The following RFTN2 variants were observed in gnomAD, a reference collection of about 807,000 sequenced individuals.
RFTN2 encodes raftlin family member 2.
Under a neutral mutation model 52.7 loss-of-function variants are expected in RFTN2, and 34 were observed. That is an observed-to-expected ratio of 0.64 (90% CI 0.49 to 0.86). The LOEUF (loss-of-function observed/expected upper bound fraction) is 0.86. RFTN2 is among the 40% of genes least tolerant of loss of function. The probability of loss-of-function intolerance (pLI) is 0.00; values close to 1 mark genes in which losing one functional copy is unlikely to be tolerated. For synonymous variants in RFTN2, 203 were observed against 217.7 expected, an observed-to-expected ratio of 0.93 and a Z score of 0.59; for missense variants, 536 against 600.1, an observed-to-expected ratio of 0.89 and a Z score of 1.12.
At chr2:197,572,528 G>A (rs1432162000) in intron 8 of RFTN2, among the ~76,000 whole-genome samples, 1 of 152,066 alleles carries the variant, frequency 6.6e-6, no homozygotes, top group Non-Finnish European at 1.5e-5. Context: ...CTTGTTGATG[G>A]GTATGTTATG....
rs565639052 is a variant in RFTN2, at chr2:197,656,100, C to T, written c.140-9434G>A. ...GCCATAGACTCCAGCACCAGACTTCCGGGATCCAAATCCTAGCTCTGCCAC... is the reference window on the plus strand; with the variant it reads ...GCCATAGACTCCAGCACCAGACTTCTGGGATCCAAATCCTAGCTCTGCCAC... On this transcript the variant is annotated intron_variant, in intron 1 of 8. Coordinates refer to ENST00000295049, the MANE Select transcript of RFTN2 (RefSeq NM_144629.3). Among the ~76,000 whole-genome samples the T allele has an allele frequency of 1.1e-4, 16 of 152,290 alleles. No individual in the cohort carries two copies. The South Asian group carries it at 2.5e-3, about 24-fold the overall frequency.
intron 8 of RFTN2, among the ~76,000 whole-genome samples, chr2:197,580,492 C>T (rs1194716033): frequency 1.3e-5 from 2 of 152,222 alleles, no homozygotes; most frequent in East Asian, 3.8e-4. Flanking sequence ...ATCGGACTGT[C>T]CAAGTCACCT....
At chr2:197,629,210 G>C (rs954441848) in intron 5 of RFTN2, among the ~76,000 whole-genome samples, 1 of 152,146 alleles carries the variant, frequency 6.6e-6, no homozygotes, top group African/African-American at 2.4e-5. Flanking sequence ...GTCCATCAAT[G>C]ATAGACTGGA....
At chr2:197,574,196 ACACT>A (rs1055041198) in intron 8 of RFTN2, among the ~76,000 whole-genome samples, 2 of 152,330 alleles carry the variant, frequency 1.3e-5, no homozygotes, top group African/African-American at 4.8e-5. Flanking sequence ...AAAGCTGCAG[ACACT>A]CAATGCCAGC....
At chr2:197,630,967 G>A (rs1159679317) in intron 5 of RFTN2, 44 bp downstream of exon 5, 3 of 1,317,104 alleles carry the variant, frequency 2.3e-6, no homozygotes, top group Non-Finnish European at 3.3e-6. Context: ...TTTGATACAA[G>A]TTCAAATTCC....
At chr2:197,666,768 G>A (rs929115202) in intron 1 of RFTN2, among the ~76,000 whole-genome samples, 1 of 152,094 alleles carries the variant, frequency 6.6e-6, no homozygotes, top group Non-Finnish European at 1.5e-5. Flanking sequence ...AATAATTCGA[G>A]TATTTGGTAA....
At chr2:197,662,549 T>A (rs1421111031) in intron 1 of RFTN2, among the ~76,000 whole-genome samples, 3 of 152,182 alleles carry the variant, frequency 2.0e-5, no homozygotes, top group African/African-American at 7.2e-5. Flanking sequence ...TGCTTCCAGC[T>A]TTGTTCTTTT....
chr2:197,602,126 C>T (rs961070359), intron 7 of RFTN2, among the ~76,000 whole-genome samples: 4 of 152,028 alleles, frequency 2.6e-5, no homozygotes, highest in African/African-American at 7.2e-5. Flanking sequence ...AGTGCAGTGG[C>T]GTGATCTTGG....
chr2:197,649,233 A>C (rs1321925889), intron 1 of RFTN2, among the ~76,000 whole-genome samples: 1 of 152,190 alleles, frequency 6.6e-6, no homozygotes, highest in Non-Finnish European at 1.5e-5. Flanking sequence ...TCTTTTGATC[A>C]TGGAAGTGGG....
intron 8 of RFTN2, among the ~76,000 whole-genome samples, chr2:197,573,116 G>T (rs977123940): frequency 2.0e-5 from 3 of 152,012 alleles, no homozygotes; most frequent in Non-Finnish European, 4.4e-5. Flanking sequence ...GGGGTGGGGG[G>T]TGCTATAAAA....
rs142848947 is a variant in RFTN2, at chr2:197,660,313, A to C, written c.140-13647T>G. ...GTATCTAATTTATGTTACTTATCAA[A>C]ATGTTTTCAATAACTTAGAAATATA... On this transcript the variant is annotated intron_variant, in intron 1 of 8. Coordinates refer to ENST00000295049, the MANE Select transcript of RFTN2 (RefSeq NM_144629.3). Among the ~76,000 whole-genome samples, 479 of 152,340 alleles carry C rather than the reference A, an allele frequency of 3.1e-3. 6 individuals carry two copies. Among genetic ancestry groups the C allele is most frequent in the African/African-American group, 0.011 (462 of 41,566 alleles).
chr2:197,667,425 C>T (rs2089077799), intron 1 of RFTN2, among the ~76,000 whole-genome samples: 1 of 152,142 alleles, frequency 6.6e-6, no homozygotes, highest in Non-Finnish European at 1.5e-5. Flanking sequence ...AATTCTCTTT[C>T]TGGAATTTCA....
At chr2:197,623,230 A>C (rs534834959) in intron 5 of RFTN2, among the ~76,000 whole-genome samples, 1 of 152,236 alleles carries the variant, frequency 6.6e-6, no homozygotes, top group Non-Finnish European at 1.5e-5. Context: ...TTTATGATTC[A>C]TGGGAGGAGG....
Position 197,633,913 on chromosome 2 carries a change from T to C in RFTN2, c.523A>G (p.Asn175Asp). The change falls in exon 4 of 9, where the codon AAC becomes GAC. Residue 175 changes from asparagine to aspartate, a missense_variant. Coordinates refer to ENST00000295049, the MANE Select transcript of RFTN2 (RefSeq NM_144629.3). Reference protein sequence around the residue: ...YSPSKFCNGTNHDGDIESMLH... With the variant: ...YSPSKFCNGTDHDGDIESMLH... ...ATCGATTCTATATCTCCATCATGGT[T>C]GGTTCCATTGCAGAATTTAGATGGA... 1 of 1,613,774 alleles carries C rather than the reference T, an allele frequency of 6.2e-7. No individual in the cohort carries two copies. Among genetic ancestry groups the C allele is most frequent in the Admixed American group, 1.7e-5 (1 of 60,006 alleles).
chr2:197,645,161 C>T (rs576906804), intron 2 of RFTN2, among the ~76,000 whole-genome samples: 2 of 152,264 alleles, frequency 1.3e-5, no homozygotes, highest in African/African-American at 4.8e-5. Flanking sequence ...GCATATACAG[C>T]GGTGGTCCCG....
intron 1 of RFTN2, among the ~76,000 whole-genome samples, chr2:197,669,090 G>A (rs2089105753): frequency 6.6e-6 from 1 of 152,158 alleles, no homozygotes; most frequent in South Asian, 2.1e-4. Flanking sequence ...CTCAATGTGT[G>A]ATTATCTACT....
intron 7 of RFTN2, among the ~76,000 whole-genome samples, chr2:197,601,299 G>A (rs2087877242): frequency 6.6e-6 from 1 of 152,198 alleles, no homozygotes; most frequent in Non-Finnish European, 1.5e-5. Context: ...ACAACAGCAT[G>A]ACTATCAAGA....
intron 7 of RFTN2, among the ~76,000 whole-genome samples, chr2:197,607,847 C>T (rs1166811509): frequency 1.3e-5 from 2 of 152,138 alleles, no homozygotes; most frequent in Non-Finnish European, 2.9e-5. Context: ...CCCAACTCCT[C>T]CTCACCCCAC....
rs769680280 is a variant in RFTN2 at position 197,631,051 on chromosome 2, C to T, written c.888G>A (p.Leu296=). 10 of 1,612,378 alleles carry T rather than the reference C, an allele frequency of 6.2e-6. No homozygotes were observed. Among genetic ancestry groups the T allele is most frequent in the Non-Finnish European group, 8.5e-6 (10 of 1,178,724 alleles). The change falls in exon 5 of 9, where the codon TTG becomes TTA. Residue 296 remains leucine, a synonymous_variant. Coordinates refer to ENST00000295049, the MANE Select transcript of RFTN2 (RefSeq NM_144629.3). ...AGAATACAAAAGAATCAATTAAAGA[C>T]AAGCCTTGTTTATAATAAAAGGTAG... ...ELTTFYYKQG[L]SLIDSFVFWE...
Sources: allele counts gnomAD v4.1 joint callset (sites outside exome capture counted in the v4.1 genomes callset), GRCh38; gene constraint gnomAD v4.1.1; transcripts MANE v1.5; gene names NCBI Gene and HGNC (gene_info 2026-07-23, HGNC 2026-07-21).